AGBL1: variants seen among roughly 807,000 people sequenced by gnomAD.
AGBL1 encodes cytosolic carboxypeptidase 4.
In AGBL1, 130 loss-of-function variants were observed where a neutral mutation model predicts 118.9. That is an observed-to-expected ratio of 1.09 (90% CI 0.95 to 1.26). The LOEUF (loss-of-function observed/expected upper bound fraction) is 1.26, where lower values mean the gene tolerates loss of function less well. Among genes scored for constraint, AGBL1 ranks in the 50% most tolerant of loss-of-function variants. AGBL1 has a pLI of 0.00. For missense variants in AGBL1, 1,584 were observed against 1,298.1 expected (o/e 1.22, Z -3.38); for synonymous variants, 555 against 478.9 (o/e 1.16, Z -2.08).
At chr15:86,110,876 C>A (rs1349335057) in intron 1 of AGBL1, among the ~76,000 whole-genome samples, 1 of 152,166 alleles carries the variant, frequency 6.6e-6, no homozygotes, top group African/African-American at 2.4e-5. Flanking sequence ...TCCCTCCCTC[C>A]CTTTCTCCTC....
At chr15:86,419,789 C>T (rs150831539) in intron 18 of AGBL1, among the ~76,000 whole-genome samples, 31 of 152,058 alleles carry the variant, frequency 2.0e-4, no homozygotes, top group South Asian at 6.2e-4. Context: ...GAGGGGTGTC[C>T]GCCATTACTG....
At chr15:86,208,655 T>C (rs11854652) in intron 5 of AGBL1, among the ~76,000 whole-genome samples, 28,650 of 152,082 alleles carry the variant, frequency 0.19, 2,793 homozygotes, top group South Asian at 0.27. Flanking sequence ...TCTGTGGGAT[T>C]GGTGGTGATA....
intron 18 of AGBL1, among the ~76,000 whole-genome samples, chr15:86,512,084 G>A (rs1169581544): frequency 1.3e-5 from 2 of 151,880 alleles, no homozygotes; most frequent in Non-Finnish European, 2.9e-5. Flanking sequence ...AATAATATCT[G>A]TGTTCCAGCT....
intron 24 of AGBL1, among the ~76,000 whole-genome samples, chr15:87,000,703 C>G: frequency 8.4e-6 from 1 of 118,506 alleles, no homozygotes; most frequent in South Asian, 3.4e-4. Context: ...ATTGACTTGG[C>G]GATGCGGGCT....
At chr15:86,326,084 A>T (rs561937856) in intron 17 of AGBL1, among the ~76,000 whole-genome samples, 91 of 152,308 alleles carry the variant, frequency 6.0e-4, no homozygotes, top group African/African-American at 1.9e-3. Context: ...CCCATTTGTG[A>T]AGGCAGATCG....
intron 22 of AGBL1, among the ~76,000 whole-genome samples, chr15:86,772,715 C>A (rs183839923): frequency 6.6e-6 from 1 of 151,990 alleles, no homozygotes; most frequent in Non-Finnish European, 1.5e-5. Flanking sequence ...TCAAGGAGGT[C>A]ATTTTGTCAA....
At chr15:86,848,442 C>T (rs897832814) in intron 22 of AGBL1, among the ~76,000 whole-genome samples, 5 of 152,154 alleles carry the variant, frequency 3.3e-5, no homozygotes, top group African/African-American at 1.2e-4. Context: ...ATACTTTCCT[C>T]ATTAATTAGA....
chr15:86,938,663 C>A (rs1477197798), intron 23 of AGBL1: 1 of 152,026 alleles, frequency 6.6e-6, no homozygotes, highest in Non-Finnish European at 1.5e-5. Flanking sequence ...TTGGAGAAAG[C>A]AAGGTATGAG....
intron 22 of AGBL1, among the ~76,000 whole-genome samples, chr15:86,790,097 A>G (rs1185532741): frequency 1.3e-5 from 2 of 152,144 alleles, no homozygotes; most frequent in Non-Finnish European, 1.5e-5. Flanking sequence ...CCAGGATCTG[A>G]AAAACTTTCT....
intron 16 of AGBL1, among the ~76,000 whole-genome samples, chr15:86,282,666 A>C (rs1467950607): frequency 6.6e-6 from 1 of 152,240 alleles, no homozygotes; most frequent in Non-Finnish European, 1.5e-5. Flanking sequence ...CAAAATGAGT[A>C]CATTCTGTAA....
In AGBL1 at chr15:86,726,439, G is replaced by A. The variant is rs1206149822; in HGVS notation, c.3158+52003G>A. 1.6e-4 allele frequency among the ~76,000 whole-genome samples: 24 copies of A among 152,132 alleles called. 1 individual carries two copies. Among genetic ancestry groups the A allele is most frequent in the Admixed American group, 1.5e-3 (23 of 15,266 alleles). ...TGTGTGAACTCACTCTGTGAGGATC[G>A]GTTTCTCCATCTATATAAAGAAAGC... On this transcript the variant is annotated intron_variant, in intron 22 of 22. Transcript: ENST00000614907.
downstream of AGBL1, among the ~76,000 whole-genome samples, chr15:86,916,991 A>G (rs150112233): frequency 0.011 from 1,608 of 152,348 alleles, 13 homozygotes; most frequent in Middle Eastern, 0.037. Flanking sequence ...ATGACAACAT[A>G]AACAGGAAGA....
intron 24 of AGBL1, among the ~76,000 whole-genome samples, chr15:87,005,798 C>T (rs1430312378): frequency 2.0e-5 from 3 of 152,144 alleles, no homozygotes; most frequent in Non-Finnish European, 4.4e-5. Flanking sequence ...AGTTTTTCTG[C>T]TCTGTTTTTT....
At chr15:86,275,867 AC>A (rs2079242547) in intron 15 of AGBL1, among the ~76,000 whole-genome samples, 1 of 152,200 alleles carries the variant, frequency 6.6e-6, no homozygotes, top group Admixed American at 6.5e-5. Flanking sequence ...TCAAACTTCC[AC>A]CACTCATTAA....
chr15:86,286,089 G>A (rs574594469), intron 16 of AGBL1, among the ~76,000 whole-genome samples: 1 of 148,998 alleles, frequency 6.7e-6, no homozygotes, highest in South Asian at 2.1e-4. Flanking sequence ...TCATTTATTT[G>A]TTCCCCCTTC....
intron 22 of AGBL1, among the ~76,000 whole-genome samples, chr15:86,711,896 G>A (rs1296778578): frequency 1.3e-5 from 2 of 152,184 alleles, no homozygotes; most frequent in Non-Finnish European, 2.9e-5. Flanking sequence ...CATCAGAGCA[G>A]CTATCACATA....
chr15:86,761,130 G>C (rs1212474276), intron 22 of AGBL1, among the ~76,000 whole-genome samples: 1 of 151,984 alleles, frequency 6.6e-6, no homozygotes, highest in Non-Finnish European at 1.5e-5. Flanking sequence ...TTTTGCCTCT[G>C]ATTACTTCCG....
intron 24 of AGBL1, among the ~76,000 whole-genome samples, chr15:87,023,632 G>A (rs1335383662): frequency 1.3e-5 from 2 of 151,980 alleles, no homozygotes; most frequent in South Asian, 2.1e-4. Flanking sequence ...AGAACGAATG[G>A]ACTTAACAGA....
At chr15:86,504,475 TG>T (rs1398925773) in intron 18 of AGBL1, among the ~76,000 whole-genome samples, 1 of 151,664 alleles carries the variant, frequency 6.6e-6, no homozygotes, top group African/African-American at 2.4e-5. Flanking sequence ...TATTTCTATG[TG>T]TTTTTTGTTG....
Sources: allele counts gnomAD v4.1 joint callset (sites outside exome capture counted in the v4.1 genomes callset), GRCh38; gene constraint gnomAD v4.1.1; transcripts MANE v1.5; gene names NCBI Gene and HGNC (gene_info 2026-07-23, HGNC 2026-07-21).